The following PTPN12 variants were observed in gnomAD, a reference collection of about 807,000 sequenced individuals.
PTPN12 encodes the protein protein tyrosine phosphatase non-receptor type 12.
A neutral mutation model predicts 97.6 loss-of-function variants in PTPN12; 29 were observed. The observed-to-expected ratio is 0.30, with a 90% CI of 0.22 to 0.41. PTPN12 has a LOEUF of 0.41. Ranked by LOEUF, PTPN12 falls within the 10% of genes least tolerant of loss-of-function variation. The pLI, the probability that PTPN12 is intolerant of heterozygous loss-of-function variation, is 1.00. For synonymous variants in PTPN12, 327 were observed against 300.4 expected, an observed-to-expected ratio of 1.09 and a Z score of -0.91; for missense variants, 819 against 926.0, an observed-to-expected ratio of 0.88 and a Z score of 1.50.
intron 6 of PTPN12, among the ~76,000 whole-genome samples, chr7:77,596,924 C>G (rs1584164937): frequency 1.3e-5 from 2 of 152,274 alleles, no homozygotes; most frequent in Non-Finnish European, 2.9e-5. Context: ...ATTCTTGGTG[C>G]TATACATTCT....
chr7:77,623,574 C>T (rs1051563982), intron 12 of PTPN12, among the ~76,000 whole-genome samples: 43 of 152,170 alleles, frequency 2.8e-4, no homozygotes, highest in African/African-American at 9.4e-4. Flanking sequence ...AGCCGGGCGT[C>T]ATGGCGCGTG....
intron 6 of PTPN12, among the ~76,000 whole-genome samples, chr7:77,596,179 A>G (rs1788018105): frequency 6.6e-6 from 1 of 152,090 alleles, no homozygotes; most frequent in African/African-American, 2.4e-5. Context: ...TCGTTTAGAC[A>G]CTTTTTTTTA....
intron 1 of PTPN12, among the ~76,000 whole-genome samples, chr7:77,548,514 C>T (rs1807328199): frequency 6.6e-6 from 1 of 152,138 alleles, no homozygotes; most frequent in South Asian, 2.1e-4. Flanking sequence ...AATTAAGGAG[C>T]TTGTTACAGG....
At chr7:77,593,548 G>A (rs1787932822) in intron 6 of PTPN12, among the ~76,000 whole-genome samples, 1 of 152,218 alleles carries the variant, frequency 6.6e-6, no homozygotes, top group Admixed American at 6.5e-5. Flanking sequence ...GGAAAAGTCT[G>A]TTGTAGAATC....
At chr7:77,634,943 T>G (rs1789536959) in intron 14 of PTPN12, among the ~76,000 whole-genome samples, 2 of 152,120 alleles carry the variant, frequency 1.3e-5, no homozygotes, top group South Asian at 4.1e-4. Context: ...TGGCACGATC[T>G]GGGCTCAAGC....
intron 6 of PTPN12, among the ~76,000 whole-genome samples, chr7:77,592,868 A>G (rs1474497040): frequency 1.2e-4 from 18 of 152,222 alleles, no homozygotes; most frequent in Non-Finnish European, 2.9e-5. Context: ...TAGGAGTAGG[A>G]AAAAGAAAGG....
At chr7:77,609,483 T>G (rs1036765367) in intron 9 of PTPN12, among the ~76,000 whole-genome samples, 1 of 151,552 alleles carries the variant, frequency 6.6e-6, no homozygotes, top group Non-Finnish European at 1.5e-5. Flanking sequence ...TGTTTCGGGC[T>G]GGTCTCAAAC....
intron 1 of PTPN12, among the ~76,000 whole-genome samples, chr7:77,564,754 T>TTTTTTTTTTG (rs1562715135): frequency 1.6e-5 from 1 of 61,296 alleles, no homozygotes; most frequent in Non-Finnish European, 3.0e-5. Flanking sequence ...GTGTTTTTTT[T>TTTTTTTTTTG]TTTTTTTTTT....
chr7:77,558,875 A>C (rs556171808), intron 1 of PTPN12, among the ~76,000 whole-genome samples: 1 of 152,154 alleles, frequency 6.6e-6, no homozygotes, highest in Non-Finnish European at 1.5e-5. Context: ...GCCAGATGTC[A>C]TGGTGTGCAC....
Position 77,605,945 on chromosome 7 carries a change from CTTT to C in PTPN12, c.696-1266_696-1264del, listed in dbSNP as rs10648385. Among the ~76,000 whole-genome samples, 85 of 51,918 alleles carry C rather than the reference CTTT, an allele frequency of 1.6e-3. 1 individual carries two copies. Among genetic ancestry groups the C allele is most frequent in the African/African-American group, 6.0e-3 (76 of 12,610 alleles). The allele number at this position is 51,918 out of a possible 152,430, so 34.1% of individuals were successfully genotyped here. On this transcript the variant is annotated intron_variant, in intron 8 of 17. Coordinates refer to ENST00000248594, the MANE Select transcript of PTPN12 (RefSeq NM_002835.4). Reference sequence around the variant, plus strand: ...TCCTGTACTCTAAAACAAGAGCCATCTTTTTTTTTTTTTTTTTTTTTTTTTTGA... The same window carrying C: ...TCCTGTACTCTAAAACAAGAGCCATCTTTTTTTTTTTTTTTTTTTTTTTGA...
chr7:77,537,498 G>C lies in PTPN12; in HGVS notation c.-49G>C. 6.5e-7 allele frequency: 1 copy of C among 1,534,636 alleles called. No homozygotes were observed. Among genetic ancestry groups the C allele is most frequent in the Non-Finnish European group, 8.8e-7 (1 of 1,141,370 alleles). ...AGACGGAGCGGGCTCTGTGCCGGGC[G>C]GGCGGGCGGCGGGGGGGCCAGCGAC... On this transcript the variant is annotated 5_prime_UTR_variant, in exon 1 of 18. Coordinates refer to ENST00000248594, the MANE Select transcript of PTPN12 (RefSeq NM_002835.4).
chr7:77,610,750 A>C lies in PTPN12; in HGVS notation c.763-15A>C, dbSNP rs764648057. 7 of 1,576,612 alleles carry C rather than the reference A, an allele frequency of 4.4e-6. No individual in the cohort carries two copies. The highest frequency in any genetic ancestry group is 2.3e-4 in the Middle Eastern group (1 of 4,368). The stretch of plus-strand genomic sequence containing the variant: ...ATAGATACACAAAGTTGATGTATTA[A>C]ATTTTCTGTTTTAGAAAATACCAGA... On this transcript the variant is annotated splice_polypyrimidine_tract_variant and intron_variant, in intron 9 of 17. Coordinates refer to ENST00000248594, the MANE Select transcript of PTPN12 (RefSeq NM_002835.4).
intron 2 of PTPN12, among the ~76,000 whole-genome samples, chr7:77,571,633 G>A (rs1787142544): frequency 6.6e-6 from 1 of 152,180 alleles, no homozygotes; most frequent in Non-Finnish European, 1.5e-5. Flanking sequence ...ACTATTCTCA[G>A]CAGTCTGAAT....
chr7:77,582,313 C>T (rs2151331955), intron 3 of PTPN12, among the ~76,000 whole-genome samples: 1 of 151,870 alleles, frequency 6.6e-6, no homozygotes, highest in Admixed American at 6.6e-5. Flanking sequence ...TTTATGGTAG[C>T]AGTAGAGATA....
In PTPN12 at chr7:77,618,503, G is replaced by A. The variant is rs780807941; in HGVS notation, c.963G>A (p.Met321Ile). The change falls in exon 12 of 18, where the codon ATG (methionine) becomes ATA (isoleucine). Residue 321 changes from methionine (M) to isoleucine (I), a missense_variant. Coordinates refer to ENST00000248594, the MANE Select transcript of PTPN12 (RefSeq NM_002835.4). Reference sequence around the variant, plus strand: ...AGAATGAAATTAACACTGAAAACATGGTCAGCTCCATAGAGCCTGAAAAAC... The same window carrying A: ...AGAATGAAATTAACACTGAAAACATAGTCAGCTCCATAGAGCCTGAAAAAC... ...DGVNEINTEN[M>I]VSSIEPEKQD... 9.9e-5 allele frequency: 158 copies of A among 1,603,384 alleles called. 3 individuals carry two copies. In the South Asian group the frequency reaches 1.7e-3, roughly 18 times the overall value.
chr7:77,557,620 CTG>C (rs971471489), intron 1 of PTPN12, among the ~76,000 whole-genome samples: 2 of 152,054 alleles, frequency 1.3e-5, no homozygotes, highest in African/African-American at 4.8e-5. Flanking sequence ...TACATTCACA[CTG>C]TGCAATTAGG....
chr7:77,618,508 G>A lies in PTPN12; in HGVS notation c.968G>A (p.Ser323Asn), dbSNP rs749778378. The change falls in exon 12 of 18, where the codon AGC becomes AAC. Residue 323 changes from serine to asparagine, a missense_variant. Transcript: ENST00000248594. Reference sequence around the variant, plus strand: ...GAAATTAACACTGAAAACATGGTCAGCTCCATAGAGCCTGAAAAACAAGAT... The same window carrying A: ...GAAATTAACACTGAAAACATGGTCAACTCCATAGAGCCTGAAAAACAAGAT... Reference protein sequence around the residue: ...VNEINTENMVSSIEPEKQDSP... With the variant: ...VNEINTENMVNSIEPEKQDSP... 1.5e-5 allele frequency: 24 copies of A among 1,607,856 alleles called. No homozygotes were observed. Among genetic ancestry groups the A allele is most frequent in the Non-Finnish European group, 2.0e-5 (23 of 1,175,474 alleles).
chr7:77,593,456 G>C (rs1787929946), intron 6 of PTPN12, among the ~76,000 whole-genome samples: 2 of 152,190 alleles, frequency 1.3e-5, no homozygotes, highest in African/African-American at 4.8e-5. Flanking sequence ...GTAGGCTGGA[G>C]ATCCTGGAGA....
intron 1 of PTPN12, among the ~76,000 whole-genome samples, chr7:77,542,975 C>T (rs1807051763): frequency 6.6e-6 from 1 of 151,970 alleles, no homozygotes; most frequent in South Asian, 2.1e-4. Flanking sequence ...GGTTGAAGAA[C>T]ATCAGTCTTA....
Sources: gnomAD v4.1 joint callset for allele counts (sites outside exome capture counted in the v4.1 genomes callset) on GRCh38, gnomAD v4.1.1 for gene constraint, MANE v1.5 for transcripts, NCBI Gene and HGNC (gene_info 2026-07-23, HGNC 2026-07-21) for gene names.